PTPRN2: variants seen among roughly 807,000 people sequenced by gnomAD.
The protein encoded by PTPRN2 is receptor-type tyrosine-protein phosphatase N2.
In PTPRN2, 74 loss-of-function variants were observed where a neutral mutation model predicts 118.8. That is an observed-to-expected ratio of 0.62 (90% CI 0.52 to 0.76). The LOEUF is 0.76. Ranked by LOEUF, PTPRN2 falls within the 30% of genes least tolerant of loss-of-function variation. PTPRN2 has a pLI of 0.00. For missense variants in PTPRN2, 1,481 were observed against 1,394.4 expected, an observed-to-expected ratio of 1.06 and a Z score of -0.99; for synonymous variants, 641 against 608.0, an observed-to-expected ratio of 1.05 and a Z score of -0.80.
chr7:157,797,202 T>C (rs1804926044), intron 12 of PTPRN2, among the ~76,000 whole-genome samples: 1 of 152,152 alleles, frequency 6.6e-6, no homozygotes, highest in African/African-American at 2.4e-5. Flanking sequence ...GTAGGATCCG[T>C]GAAACCTCCA....
chr7:157,825,821 C>T (rs1005902771), intron 12 of PTPRN2, among the ~76,000 whole-genome samples: 2 of 152,212 alleles, frequency 1.3e-5, no homozygotes, highest in African/African-American at 2.4e-5. Context: ...GCTTCTCTGC[C>T]GAGCTCCCAG....
rs536065393 is a variant in PTPRN2, at chr7:158,172,529, T to C, written c.550-5238A>G. ...ATAGCAGCATCCCCACCATCATCACTTCCACCATCAACAACAGCATCTCCA... is the reference window on the plus strand; with the variant it reads ...ATAGCAGCATCCCCACCATCATCACCTCCACCATCAACAACAGCATCTCCA... On this transcript the variant is annotated intron_variant, in intron 5 of 22. Coordinates refer to ENST00000389418, the MANE Select transcript of PTPRN2 (RefSeq NM_002847.5). 3.1e-3 allele frequency among the ~76,000 whole-genome samples: 424 copies of C among 134,904 alleles called. 2 individuals are homozygous for C. The highest frequency in any genetic ancestry group is 4.9e-3 in the Non-Finnish European group (310 of 63,272). The allele number at this position is 134,904 out of a possible 152,430, so 88.5% of individuals were successfully genotyped here.
intron 9 of PTPRN2, among the ~76,000 whole-genome samples, chr7:158,130,102 G>A (rs990630902): frequency 1.3e-5 from 2 of 152,116 alleles, no homozygotes; most frequent in Non-Finnish European, 2.9e-5. Context: ...TCTGCGGTTT[G>A]AGCTCAAGAT....
intron 11 of PTPRN2, among the ~76,000 whole-genome samples, chr7:157,975,766 TC>T (rs1200523996): frequency 2.0e-5 from 3 of 152,104 alleles, no homozygotes; most frequent in African/African-American, 7.2e-5. Flanking sequence ...TTTTTTTTTT[TC>T]CATTGCATGT....
chr7:158,152,458 G>A (rs915832973), intron 6 of PTPRN2, among the ~76,000 whole-genome samples: 3 of 152,292 alleles, frequency 2.0e-5, no homozygotes, highest in African/African-American at 4.8e-5. Context: ...CAGACAGGAG[G>A]CCAAAGTGTC....
At chr7:158,522,778 G>A (rs1563391172) in intron 1 of PTPRN2, among the ~76,000 whole-genome samples, 1 of 152,176 alleles carries the variant, frequency 6.6e-6, no homozygotes, top group Non-Finnish European at 1.5e-5. Context: ...GTTCTCACGT[G>A]GACATTGGCT....
chr7:158,139,201 G>C (rs11763127), intron 6 of PTPRN2, among the ~76,000 whole-genome samples: 45,322 of 152,144 alleles, frequency 0.3, 7,962 homozygotes, highest in Middle Eastern at 0.44. Context: ...TGATTAGAGC[G>C]AGGAGACAAG....
intron 10 of PTPRN2, among the ~76,000 whole-genome samples, chr7:158,085,950 G>A (rs920873135): frequency 1.7e-4 from 25 of 149,836 alleles, no homozygotes; most frequent in African/African-American, 2.5e-4. Context: ...CCACATACAC[G>A]ACGCCCATCC....
At chr7:158,171,310 T>TACAG (rs1343884902) in intron 5 of PTPRN2, among the ~76,000 whole-genome samples, 1 of 67,668 alleles carries the variant, frequency 1.5e-5, no homozygotes. Context: ...TATACACACA[T>TACAG]ATATATATAT....
At chr7:157,628,381 G>C (rs1246699407) in intron 14 of PTPRN2, among the ~76,000 whole-genome samples, 1 of 152,220 alleles carries the variant, frequency 6.6e-6, no homozygotes, top group Admixed American at 6.5e-5. Flanking sequence ...GTTAACGATT[G>C]CAAGAGCACC....
Position 158,262,313 on chromosome 7 carries a change from T to C in PTPRN2, c.277+54506A>G, listed in dbSNP as rs879918855. Among the ~76,000 whole-genome samples, 56 of 145,988 alleles carry C rather than the reference T, an allele frequency of 3.8e-4. 1 individual carries two copies. The highest frequency in any genetic ancestry group is 9.2e-4 in the African/African-American group (36 of 39,052). On this transcript the variant is annotated intron_variant, in intron 3 of 22. Coordinates refer to ENST00000389418, the MANE Select transcript of PTPRN2 (RefSeq NM_002847.5). Reference sequence around the variant, plus strand: ...ACACACCGCACACACATTCACACACTGCACACACATTCACACACACTGCAC... The same window carrying C: ...ACACACCGCACACACATTCACACACCGCACACACATTCACACACACTGCAC...
chr7:158,356,669 C>T (rs183574064), intron 2 of PTPRN2, among the ~76,000 whole-genome samples: 5 of 151,944 alleles, frequency 3.3e-5, no homozygotes, highest in East Asian at 1.9e-4. Flanking sequence ...GAGCGCTGTG[C>T]GTAAAGAAAA....
rs1809540214 is a variant in PTPRN2, at chr7:158,366,525, G to C, written c.164-49593C>G. Reference sequence around the variant, plus strand: ...CTGCCAATACCCTGCACACGGCTCTGTGACTGGAGATAATGAGGAATCGCC... The same window carrying C: ...CTGCCAATACCCTGCACACGGCTCTCTGACTGGAGATAATGAGGAATCGCC... On this transcript the variant is annotated intron_variant, in intron 2 of 22. Transcript: ENST00000389418. Among the ~76,000 whole-genome samples the C allele has an allele frequency of 2.0e-5, 3 of 152,248 alleles. 1 individual carries two copies. In the South Asian group the frequency reaches 6.2e-4, roughly 32 times the overall value.
intron 12 of PTPRN2, among the ~76,000 whole-genome samples, chr7:157,700,754 G>A (rs1022087561): frequency 4.6e-5 from 7 of 152,078 alleles, no homozygotes; most frequent in African/African-American, 7.2e-5. Context: ...ACACAGGGGC[G>A]CCTCCAGACC....
At chr7:158,497,830 C>A (rs1479322847) in intron 1 of PTPRN2, among the ~76,000 whole-genome samples, 1 of 152,264 alleles carries the variant, frequency 6.6e-6, no homozygotes, top group Non-Finnish European at 1.5e-5. Context: ...CCTGCGGGGA[C>A]ACCTGTCCGT....
Position 158,441,058 on chromosome 7 carries a change from TGGG to T in PTPRN2, c.163+48674_163+48676del, listed in dbSNP as rs796819127. On this transcript the variant is annotated intron_variant, in intron 2 of 22. Transcript: ENST00000389418. ...GTGGTAGTAGTGATGGTGGTAGTGA[TGGG>T]GGTGGTAGTGATGGTGGTGCTGGTG... Among the ~76,000 whole-genome samples, 374 of 54,216 alleles carry T rather than the reference TGGG, an allele frequency of 6.9e-3. 1 individual carries two copies. In the East Asian group the frequency reaches 0.11, roughly 17 times the overall value. The allele number at this position is 54,216 out of a possible 152,430, so 35.6% of individuals were successfully genotyped here. A position where few individuals can be genotyped will look rare whatever the true frequency, so the allele number is the denominator to read the frequency against.
intron 2 of PTPRN2, among the ~76,000 whole-genome samples, chr7:158,356,600 C>T (rs191723489): frequency 6.6e-6 from 1 of 152,202 alleles, no homozygotes; most frequent in East Asian, 1.9e-4. Context: ...GAACCCCATG[C>T]ACACCTCTTA....
At chr7:158,223,518 A>C (rs1020091162) in intron 3 of PTPRN2, among the ~76,000 whole-genome samples, 3 of 152,156 alleles carry the variant, frequency 2.0e-5, no homozygotes, top group African/African-American at 7.2e-5. Context: ...ATTTCAAAAC[A>C]AATCAATGTA....
chr7:158,440,807 T>TAGG (rs1816962269), intron 2 of PTPRN2, among the ~76,000 whole-genome samples: 2 of 77,800 alleles, frequency 2.6e-5, no homozygotes, highest in East Asian at 3.0e-4. Context: ...GTAGTGGTGA[T>TAGG]GGTGGTAGTA....
Sources: allele counts gnomAD v4.1 joint callset (sites outside exome capture counted in the v4.1 genomes callset), GRCh38; gene constraint gnomAD v4.1.1; transcripts MANE v1.5; gene names NCBI Gene and HGNC (gene_info 2026-07-23, HGNC 2026-07-21).